Variants in PLCB1 observed in about 807,000 individuals in gnomAD.
The protein encoded by PLCB1 is 1-phosphatidylinositol 4,5-bisphosphate phosphodiesterase beta-1.
Under a neutral mutation model 161.8 loss-of-function variants are expected in PLCB1, and 46 were observed. The ratio of observed to expected loss-of-function variants is 0.28; its 90% CI spans 0.22 to 0.36. PLCB1 has a LOEUF of 0.36. Ranked by LOEUF, PLCB1 falls within the 10% of genes least tolerant of loss-of-function variation. PLCB1 has a pLI of 1.00. For missense variants in PLCB1, 1,016 were observed against 1,472.5 expected, an observed-to-expected ratio of 0.69 and a Z score of 5.07; for synonymous variants, 517 against 503.7, an observed-to-expected ratio of 1.03 and a Z score of -0.35.
chr20:8,210,021 A>AGAGAT (rs1279067094), intron 2 of PLCB1, among the ~76,000 whole-genome samples: 1 of 152,086 alleles, frequency 6.6e-6, no homozygotes, highest in Admixed American at 6.6e-5. Flanking sequence ...ACTATTTTGT[A>AGAGAT]GAGATGGGGT....
chr20:8,795,877 C>CA (rs368453811), intron 31 of PLCB1, among the ~76,000 whole-genome samples: 7,131 of 71,666 alleles, frequency 0.1, 461 homozygotes, highest in South Asian at 0.32. Flanking sequence ...CACCCTGTCT[C>CA]AAAAAAAAAA....
chr20:8,226,676 A>T (rs911813217), intron 2 of PLCB1, among the ~76,000 whole-genome samples: 8 of 151,802 alleles, frequency 5.3e-5, no homozygotes, highest in Non-Finnish European at 1.0e-4. Flanking sequence ...AATGAAAAGG[A>T]GCAAGTAAAA....
chr20:8,777,863 C>T (rs1436825163), intron 27 of PLCB1, among the ~76,000 whole-genome samples: 1 of 152,054 alleles, frequency 6.6e-6, no homozygotes, highest in Non-Finnish European at 1.5e-5. Context: ...ACAGTCATGG[C>T]AGAAGACAAG....
At position 8,741,704 on chromosome 20, in the gene PLCB1, T is replaced by C. The variant is rs549754143; in HGVS notation, c.2523+131T>C. On this transcript the variant is annotated intron_variant, in intron 23 of 31. Coordinates refer to ENST00000338037, the MANE Select transcript of PLCB1 (RefSeq NM_015192.4). Reference sequence around the variant, plus strand: ...ATTGGAACAACACTTTCATGCAGTTTAGCATCATGTCACAGAACATCTAGA... The same window carrying C: ...ATTGGAACAACACTTTCATGCAGTTCAGCATCATGTCACAGAACATCTAGA... 170 of 600,264 alleles carry C rather than the reference T, an allele frequency of 2.8e-4. 1 individual carries two copies. In the East Asian group the frequency reaches 4.7e-3, roughly 17 times the overall value. The allele number at this position is 600,264 out of a possible 1,614,324, so 37.2% of individuals were successfully genotyped here. A position where few individuals can be genotyped will look rare whatever the true frequency, so the allele number is the denominator to read the frequency against.
intron 3 of PLCB1, among the ~76,000 whole-genome samples, chr20:8,440,857 A>G (rs1232746): frequency 0.55 from 82,750 of 151,570 alleles, 23,792 homozygotes; most frequent in African/African-American, 0.73. Flanking sequence ...TATATATATG[A>G]TAATTACCGT....
At chr20:8,873,832 T>C (rs1392826997) in intron 31 of PLCB1, among the ~76,000 whole-genome samples, 1 of 152,052 alleles carries the variant, frequency 6.6e-6, no homozygotes, top group Admixed American at 6.6e-5. Flanking sequence ...TTACGTTTTA[T>C]TCATGTTTTT....
Position 8,789,530 on chromosome 20 carries a change from G to C in PLCB1, c.3291G>C (p.Glu1097Asp). The C allele has an allele frequency of 6.2e-7, 1 of 1,610,456 alleles. No individual in the cohort carries two copies. ...DKSQMEEEKT[E>D]MIRSYIQEVV... ...CATTTGCTTTTAGGGAGAAGACAGA[G>C]ATGATCCGGTCATATATCCAGGAAG... Residue 1097 changes from glutamate to aspartate, a missense_variant, in exon 30 of 32, where the codon GAG becomes GAC. Coordinates refer to ENST00000338037, the MANE Select transcript of PLCB1 (RefSeq NM_015192.4).
intron 10 of PLCB1, among the ~76,000 whole-genome samples, chr20:8,697,285 A>G: frequency 6.6e-6 from 1 of 152,276 alleles, no homozygotes; most frequent in South Asian, 2.1e-4. Flanking sequence ...TGAAATGGGT[A>G]TTTTTTTATT....
chr20:8,546,335 AAAAG>A (rs1420244469), intron 3 of PLCB1, among the ~76,000 whole-genome samples: 11 of 140,668 alleles, frequency 7.8e-5, no homozygotes, highest in Admixed American at 1.4e-4. Flanking sequence ...AAAAAAAAAA[AAAAG>A]AAAGAAACTG....
intron 3 of PLCB1, among the ~76,000 whole-genome samples, chr20:8,608,076 C>A (rs948525637): frequency 6.6e-6 from 1 of 151,916 alleles, no homozygotes; most frequent in African/African-American, 2.4e-5. Flanking sequence ...TGCTCTATCT[C>A]TATGTACTTG....
At chr20:8,376,332 AG>A (rs1369115864) in intron 3 of PLCB1, among the ~76,000 whole-genome samples, 2 of 152,234 alleles carry the variant, frequency 1.3e-5, no homozygotes, top group Non-Finnish European at 2.9e-5. Flanking sequence ...ATTAAATTCT[AG>A]GTTGTATGTA....
At chr20:8,872,496 T>C (rs372367218) in intron 31 of PLCB1, among the ~76,000 whole-genome samples, 8 of 152,294 alleles carry the variant, frequency 5.3e-5, no homozygotes, top group African/African-American at 1.7e-4. Context: ...TGAGTTCATG[T>C]TTTCTAGGAG....
intron 2 of PLCB1, among the ~76,000 whole-genome samples, chr20:8,302,005 C>T (rs1983932732): frequency 6.6e-6 from 1 of 152,150 alleles, no homozygotes. Context: ...TTGATATCGG[C>T]AACTAACTCC....
intron 31 of PLCB1, among the ~76,000 whole-genome samples, chr20:8,840,386 T>C (rs1301875944): frequency 6.6e-6 from 1 of 152,166 alleles, no homozygotes; most frequent in Non-Finnish European, 1.5e-5. Flanking sequence ...GGCTAGACTG[T>C]GTGACATGGG....
At chr20:8,359,220 G>GA (rs1175086852) in intron 2 of PLCB1, among the ~76,000 whole-genome samples, 1 of 152,068 alleles carries the variant, frequency 6.6e-6, no homozygotes, top group Non-Finnish European at 1.5e-5. Context: ...AAAATTCCTA[G>GA]AAAAAATGTT....
intron 24 of PLCB1, among the ~76,000 whole-genome samples, chr20:8,759,458 G>A (rs563927637): frequency 6.6e-6 from 1 of 152,110 alleles, no homozygotes; most frequent in Non-Finnish European, 1.5e-5. Flanking sequence ...TCCTGTAACA[G>A]TTATTACTGC....
At chr20:8,504,275 A>G (rs6118216) in intron 3 of PLCB1, among the ~76,000 whole-genome samples, 6,179 of 152,158 alleles carry the variant, frequency 0.041, 430 homozygotes, top group African/African-American at 0.14. Flanking sequence ...CGAATCACAC[A>G]CTGGCTCTTC....
At chr20:8,356,419 C>T (rs933083152) in intron 2 of PLCB1, among the ~76,000 whole-genome samples, 1 of 151,976 alleles carries the variant, frequency 6.6e-6, no homozygotes, top group Non-Finnish European at 1.5e-5. Flanking sequence ...TAGCGAGTAA[C>T]CAGATGATGT....
At chr20:8,490,566 T>C (rs956812208) in intron 3 of PLCB1, among the ~76,000 whole-genome samples, 5 of 152,352 alleles carry the variant, frequency 3.3e-5, no homozygotes, top group African/African-American at 1.2e-4. Context: ...AAAGTGGTTC[T>C]ATGATTTCAC....
Sources: gnomAD v4.1 joint callset for allele counts (sites outside exome capture counted in the v4.1 genomes callset) on GRCh38, gnomAD v4.1.1 for gene constraint, MANE v1.5 for transcripts, NCBI Gene and HGNC (gene_info 2026-07-23, HGNC 2026-07-21) for gene names.